Variants in LYG2 observed in about 807,000 individuals in gnomAD.
LYG2 encodes lysozyme g-like protein 2.
LYG2 carries 25 observed loss-of-function variants against 22.4 expected under a neutral mutation model. The ratio of observed to expected loss-of-function variants is 1.12; its 90% CI spans 0.81 to 1.56. The LOEUF is 1.56. Ranked by LOEUF, LYG2 falls within the 40% of genes most tolerant of loss-of-function variation. The probability of loss-of-function intolerance (pLI) is 0.00; values close to 1 mark genes in which losing one functional copy is unlikely to be tolerated. For synonymous variants in LYG2, 88 were observed against 97.0 expected, an observed-to-expected ratio of 0.91 and a Z score of 0.55; for missense variants, 266 against 269.5, an observed-to-expected ratio of 0.99 and a Z score of 0.09.
chr2:99,255,299 G>T (rs1426265856), intron 1 of LYG2, 162 bp from the exon 2 acceptor site: 2 of 152,088 alleles, frequency 1.3e-5, no homozygotes, highest in African/African-American at 2.4e-5. Context: ...GATCATTAGA[G>T]GAGCTTTATA....
At position 99,242,283 on chromosome 2, in the gene LYG2, T is replaced by G; in HGVS notation, c.*81A>C. ...ATTTTAATCATTTCTTTGCCAGTGT[T>G]GTATACAACACATTCACGTAAAACT... On this transcript the variant is annotated 3_prime_UTR_variant, in exon 7 of 7. Transcript: ENST00000333017. 1 of 651,126 alleles carries G rather than the reference T, an allele frequency of 1.5e-6. No homozygotes were observed. The highest frequency in any genetic ancestry group is 2.7e-6 in the Non-Finnish European group (1 of 374,710). The allele number at this position is 651,126 out of a possible 1,614,324, so 40.3% of individuals were successfully genotyped here.
At chr2:99,253,343 T>C (rs1352863104) in intron 3 of LYG2, among the ~76,000 whole-genome samples, 1 of 152,214 alleles carries the variant, frequency 6.6e-6, no homozygotes, top group Non-Finnish European at 1.5e-5. Flanking sequence ...AACTCTGCTC[T>C]CACCTGGCAA....
chr2:99,256,013 G>T (rs2094035795), upstream of LYG2, among the ~76,000 whole-genome samples: 1 of 152,150 alleles, frequency 6.6e-6, no homozygotes, highest in Non-Finnish European at 1.5e-5. Flanking sequence ...AAGAAGTCTG[G>T]TCTGGGTCCT....
At chr2:99,244,747 T>A (rs951833824) in intron 5 of LYG2, among the ~76,000 whole-genome samples, 6 of 152,190 alleles carry the variant, frequency 3.9e-5, no homozygotes, top group Non-Finnish European at 8.8e-5. Context: ...AAATACTTTT[T>A]AAAATATATC....
Position 99,245,403 on chromosome 2 carries a change from G to A in LYG2, c.240C>T (p.Tyr80=). 6.2e-7 allele frequency: 1 copy of A among 1,612,456 alleles called. No individual in the cohort carries two copies. Among genetic ancestry groups the A allele is most frequent in the South Asian group, 1.1e-5 (1 of 90,776 alleles). The change falls in exon 5 of 7, where the codon TAC becomes TAT. Residue 80 remains tyrosine, a synonymous_variant. Coordinates refer to ENST00000333017, the MANE Select transcript of LYG2 (RefSeq NM_175735.4). ...AEMDLRAIKP[Y]QTLIKEVGQR... is the part of the protein sequence containing the mutation. The stretch of plus-strand genomic sequence containing the variant: ...GCCCGACTTCTTTGATCAGAGTCTG[G>A]TAAGGTTTTATGGCCCTCAAATCCA...
At chr2:99,254,132 A>G in intron 3 of LYG2, 86 bp downstream of exon 3, 1 of 1,178,324 alleles carries the variant, frequency 8.5e-7, no homozygotes, top group Non-Finnish European at 1.3e-6. Context: ...CATTACAGGT[A>G]ATCATTGCTC....
Position 99,243,254 on chromosome 2 carries a change from C to T in LYG2, c.520+745G>A, listed in dbSNP as rs1411354320. Among the ~76,000 whole-genome samples, 4 of 152,186 alleles carry T rather than the reference C, an allele frequency of 2.6e-5. No homozygotes were observed. In the Middle Eastern group the frequency reaches 0.01, roughly 388 times the overall value. ...GGGATGACTGGCTATATTATGGTGC[C>T]TCCAAGACATGTAAAATGCAGAAGA... On this transcript the variant is annotated intron_variant, in intron 6 of 6. Coordinates refer to ENST00000333017, the MANE Select transcript of LYG2 (RefSeq NM_175735.4).
intron 3 of LYG2, among the ~76,000 whole-genome samples, chr2:99,252,483 A>T (rs1474874918): frequency 6.6e-6 from 1 of 152,054 alleles, no homozygotes; most frequent in Non-Finnish European, 1.5e-5. Context: ...ATTAGGTCAG[A>T]TACTAGATGT....
upstream of LYG2, among the ~76,000 whole-genome samples, chr2:99,256,596 G>A (rs1224000956): frequency 6.6e-6 from 1 of 152,218 alleles, no homozygotes; most frequent in Non-Finnish European, 1.5e-5. Flanking sequence ...CGAATGATAA[G>A]TTAGGTAAAA....
Position 99,246,732 on chromosome 2 carries a change from C to T in LYG2, c.132G>A (p.Met44Ile). ...AAGTGGCCCCAGAGGTCTTCATGGTCATGATGTCCCCATAGCAGCCGTGGT... is the reference window on the plus strand; with the variant it reads ...AAGTGGCCCCAGAGGTCTTCATGGTTATGATGTCCCCATAGCAGCCGTGGT... ...RLYHGCYGDI[M>I]TMKTSGATCD... is the part of the protein sequence containing the mutation. The change falls in exon 4 of 7, where the codon ATG becomes ATA. Residue 44 changes from methionine (M) to isoleucine (I), a missense_variant. By Grantham distance (10) the Met-to-Ile change is conservative. Coordinates refer to ENST00000333017, the MANE Select transcript of LYG2 (RefSeq NM_175735.4). 6.2e-7 allele frequency: 1 copy of T among 1,614,150 alleles called. No homozygotes were observed.
intron 6 of LYG2, 54 bp downstream of exon 6, chr2:99,243,945 T>C (rs967559284): frequency 1.7e-5 from 27 of 1,608,626 alleles, no homozygotes; most frequent in African/African-American, 4.0e-5. Context: ...CACACTGGCC[T>C]TCAGTGGTCT....
At chr2:99,260,810 A>G in the LYG2 span, among the ~76,000 whole-genome samples, 1 of 152,226 alleles carries the variant, frequency 6.6e-6, no homozygotes, top group African/African-American at 2.4e-5. Context: ...GAAAGAAAAG[A>G]GAAAAAAATC....
chr2:99,248,765 T>C (rs952616477), intron 3 of LYG2, among the ~76,000 whole-genome samples: 2 of 150,344 alleles, frequency 1.3e-5, no homozygotes, highest in African/African-American at 4.9e-5. Context: ...AAAATAAAAA[T>C]AAATAAATAA....
chr2:99,258,008 A>G (rs1168807683), upstream of LYG2, among the ~76,000 whole-genome samples: 1 of 152,182 alleles, frequency 6.6e-6, no homozygotes, highest in Non-Finnish European at 1.5e-5. Flanking sequence ...CTAGGTTAGC[A>G]CTTTTGGGAG....
chr2:99,246,725 T>C lies in LYG2; in HGVS notation c.139A>G (p.Lys47Glu). The C allele has an allele frequency of 6.2e-7, 1 of 1,614,200 alleles. No homozygotes were observed. The change falls in exon 4 of 7, where the codon AAG becomes GAG. Residue 47 changes from lysine (K) to glutamate (E), a missense_variant. Coordinates refer to ENST00000333017, the MANE Select transcript of LYG2 (RefSeq NM_175735.4). ...HGCYGDIMTM[K>E]TSGATCDANS... Reference sequence around the variant, plus strand: ...GCATCACAAGTGGCCCCAGAGGTCTTCATGGTCATGATGTCCCCATAGCAG... The same window carrying C: ...GCATCACAAGTGGCCCCAGAGGTCTCCATGGTCATGATGTCCCCATAGCAG...
rs2171360 is a variant in LYG2, at chr2:99,245,319, G to T, written c.324C>A (p.Gly108=). The T allele has an allele frequency of 6.2e-7, 1 of 1,612,620 alleles. No homozygotes were observed. The highest frequency in any genetic ancestry group is 8.5e-7 in the Non-Finnish European group (1 of 1,179,234). Residue 108 remains glycine (G), a synonymous_variant, in exon 5 of 7, where the codon GGC becomes GGA. Coordinates refer to ENST00000333017, the MANE Select transcript of LYG2 (RefSeq NM_175735.4). ...CCCAGCCGTCTTGCAGGACAGATCC[G>T]CCATGGCTTTCCCTGGAGATGATGG... The part of the protein sequence containing the change: ...IAAIISRESH[G]GSVLQDGWDH...
At position 99,243,981 on chromosome 2, in the gene LYG2, A is replaced by G. The variant is rs767785188; in HGVS notation, c.520+18T>C. The G allele has an allele frequency of 2.5e-5, 40 of 1,613,774 alleles. No individual in the cohort carries two copies. The highest frequency in any genetic ancestry group is 2.2e-5 in the Non-Finnish European group (26 of 1,179,972). ...CATTCATTGCTCATTTAAACAAAGT[A>G]CTCAGAATACAGCCTACCTTTGAGG... On this transcript the variant is annotated intron_variant, in intron 6 of 6. Transcript: ENST00000333017.
upstream of LYG2, among the ~76,000 whole-genome samples, chr2:99,256,822 A>G (rs1479519804): frequency 1.3e-5 from 2 of 152,234 alleles, no homozygotes; most frequent in Non-Finnish European, 2.9e-5. Flanking sequence ...TGTTCACTCA[A>G]GCTGTGAGAG....
chr2:99,245,043 G>A (rs1469267341), intron 5 of LYG2, among the ~76,000 whole-genome samples: 1 of 151,624 alleles, frequency 6.6e-6, no homozygotes, highest in African/African-American at 2.4e-5. Context: ...ACCCGGGAGT[G>A]GAGGTTGCAG....
Sources: gnomAD v4.1 joint callset for allele counts (sites outside exome capture counted in the v4.1 genomes callset) on GRCh38, gnomAD v4.1.1 for gene constraint, MANE v1.5 for transcripts, NCBI Gene and HGNC (gene_info 2026-07-23, HGNC 2026-07-21) for gene names.